The following PRDM16 variants were observed in gnomAD, a reference collection of about 807,000 sequenced individuals.
PRDM16 encodes the protein PR/SET domain 16, also known as histone-lysine N-methyltransferase PRDM16.
Under a neutral mutation model 110.6 loss-of-function variants are expected in PRDM16, and 23 were observed. The ratio of observed to expected loss-of-function variants is 0.21; its 90% CI spans 0.15 to 0.29. The LOEUF is 0.29. Among genes scored for constraint, PRDM16 ranks in the 10% least tolerant of loss-of-function variants. The pLI is 1.00. For missense variants in PRDM16, 1,615 were observed against 1,794.3 expected (o/e 0.90, Z 1.81); for synonymous variants, 799 against 781.8 (o/e 1.02, Z -0.37).
chr1:3,180,901 C>G (rs879449143), intron 1 of PRDM16, among the ~76,000 whole-genome samples: 2 of 137,986 alleles, frequency 1.4e-5, no homozygotes, highest in African/African-American at 5.0e-5. Flanking sequence ...GCCTCACACA[C>G]GCAGTCTTAC....
At chr1:3,125,265 G>C (rs932819166) in intron 1 of PRDM16, among the ~76,000 whole-genome samples, 1 of 152,254 alleles carries the variant, frequency 6.6e-6, no homozygotes, top group Admixed American at 6.5e-5. Context: ...CTTAGCGGAC[G>C]GCCCAGCCCC....
intron 1 of PRDM16, among the ~76,000 whole-genome samples, chr1:3,164,794 T>C (rs1158600004): frequency 6.6e-6 from 1 of 152,044 alleles, no homozygotes; most frequent in Non-Finnish European, 1.5e-5. Context: ...GGGGAGGCTG[T>C]TGGGAAATGG....
At chr1:3,149,381 G>A (rs1643735604) in intron 1 of PRDM16, among the ~76,000 whole-genome samples, 1 of 152,116 alleles carries the variant, frequency 6.6e-6, no homozygotes, top group Admixed American at 6.5e-5. Flanking sequence ...CGGATGGGGA[G>A]AACTGAGCCC....
intron 1 of PRDM16, among the ~76,000 whole-genome samples, chr1:3,170,984 G>C (rs1644018741): frequency 2.0e-5 from 3 of 152,228 alleles, no homozygotes; most frequent in Admixed American, 1.3e-4. Context: ...GCCCGTCTTG[G>C]CTAGAGAGCC....
rs1465713091 is a variant in PRDM16 at position 3,390,162 on chromosome 1, G to A, written c.573+4876G>A. On this transcript the variant is annotated intron_variant, in intron 4 of 16. Transcript: ENST00000270722. This position sits in a 1 kb window ranked among gnomAD's most constrained non-coding sequence, Gnocchi z 5.0. ...GGCGATGAAGCGCCTGCGGGGGGAT[G>A]CGGGAGGCAGGGAGGAGCTGTCACA... Among the ~76,000 whole-genome samples the A allele has an allele frequency of 6.6e-6, 1 of 152,216 alleles. No individual in the cohort carries two copies. Among genetic ancestry groups the A allele is most frequent in the Non-Finnish European group, 1.5e-5 (1 of 68,040 alleles).
At chr1:3,070,567 C>T (rs944703638) in intron 1 of PRDM16, among the ~76,000 whole-genome samples, 2 of 147,858 alleles carry the variant, frequency 1.4e-5, no homozygotes, top group African/African-American at 4.9e-5. Context: ...AAGAGGCGCC[C>T]GGGCCGCTCC....
Position 3,171,596 on chromosome 1 carries a change from T to C in PRDM16, c.38-14529T>C, listed in dbSNP as rs144162869. Among the ~76,000 whole-genome samples, 1,063 of 152,284 alleles carry C rather than the reference T, an allele frequency of 7.0e-3. 13 individuals carry two copies. The highest frequency in any genetic ancestry group is 0.023 in the African/African-American group (976 of 41,572). On this transcript the variant is annotated intron_variant, in intron 1 of 16. Transcript: ENST00000270722. ...GTTTGCAGAAACACAGCTGTGTGTA[T>C]TGGGGGGCCCTTCCCCAAATCTGCT...
At chr1:3,426,288 C>G (rs142168133) in intron 14 of PRDM16, 63 bp downstream of exon 14, 2 of 1,419,040 alleles carry the variant, frequency 1.4e-6, no homozygotes, top group Non-Finnish European at 2.0e-6. Context: ...CGTGGCCACC[C>G]TCAGAGGACA....
At chr1:3,366,132 G>A (rs980653035) in intron 3 of PRDM16, among the ~76,000 whole-genome samples, 2 of 152,230 alleles carry the variant, frequency 1.3e-5, no homozygotes, top group East Asian at 1.9e-4. Flanking sequence ...TGTGGCTCAG[G>A]GGGGCTCTAG....
chr1:3,349,115 T>C (rs930735127), intron 3 of PRDM16, among the ~76,000 whole-genome samples: 17 of 152,204 alleles, frequency 1.1e-4, no homozygotes, highest in African/African-American at 4.1e-4. Context: ...CAGGAGTCAA[T>C]GCATTTCTGC....
At chr1:3,276,883 G>A (rs1014943459) in intron 3 of PRDM16, among the ~76,000 whole-genome samples, 3 of 152,214 alleles carry the variant, frequency 2.0e-5, no homozygotes, top group Non-Finnish European at 4.4e-5. Context: ...CCTAAAGGGG[G>A]CTGGGCTTGG....
intron 7 of PRDM16, 122 bp from the exon 8 acceptor site, chr1:3,405,373 C>G: frequency 1.7e-6 from 2 of 1,171,328 alleles, no homozygotes; most frequent in Non-Finnish European, 2.4e-6. Flanking sequence ...TTGGTGCAGA[C>G]TGCAACGTGG....
At chr1:3,120,896 A>C (rs1012689532) in intron 1 of PRDM16, among the ~76,000 whole-genome samples, 1 of 152,180 alleles carries the variant, frequency 6.6e-6, no homozygotes, top group Non-Finnish European at 1.5e-5. Context: ...TCTCTCCGGG[A>C]TCTGCCATTC....
rs1643124819 is a variant in PRDM16 at position 3,382,803 on chromosome 1, G to A, written c.439-2349G>A. Among the ~76,000 whole-genome samples the A allele has an allele frequency of 6.6e-6, 1 of 152,206 alleles. No individual in the cohort carries two copies. Among genetic ancestry groups the A allele is most frequent in the Admixed American group, 6.5e-5 (1 of 15,288 alleles). On this transcript the variant is annotated intron_variant, in intron 3 of 16. Transcript: ENST00000270722. This position sits in a 1 kb window ranked among gnomAD's most constrained non-coding sequence, Gnocchi z 6.6. ...TGGGAGGGCACGGCCCGCCCTGGGT[G>A]AGCACCAGCCCTCAGCCCACAGGCA...
intron 2 of PRDM16, among the ~76,000 whole-genome samples, chr1:3,237,236 T>C (rs1639558754): frequency 6.6e-6 from 1 of 152,018 alleles, no homozygotes; most frequent in South Asian, 2.1e-4. Flanking sequence ...CAAAGGGCCA[T>C]GGCAGAGCTC....
chr1:3,119,842 A>G (rs1034401023), intron 1 of PRDM16, among the ~76,000 whole-genome samples: 1 of 152,222 alleles, frequency 6.6e-6, no homozygotes, highest in Non-Finnish European at 1.5e-5. Flanking sequence ...CCTGCTCAGC[A>G]GCTGACACAG....
intron 1 of PRDM16, among the ~76,000 whole-genome samples, chr1:3,131,655 G>A (rs1295576921): frequency 2.0e-5 from 3 of 152,242 alleles, no homozygotes; most frequent in Admixed American, 1.3e-4. Context: ...TTGGAAAAGC[G>A]AGGGTTGGTC....
chr1:3,269,202 G>A (rs1569961308), intron 3 of PRDM16, among the ~76,000 whole-genome samples: 1 of 152,280 alleles, frequency 6.6e-6, no homozygotes, highest in African/African-American at 2.4e-5. Flanking sequence ...GCAGGCAGTG[G>A]CTGGGGTACC....
intron 1 of PRDM16, among the ~76,000 whole-genome samples, chr1:3,152,642 C>A (rs1405622535): frequency 6.6e-6 from 1 of 152,216 alleles, no homozygotes; most frequent in Non-Finnish European, 1.5e-5. Context: ...CCCATGAGGT[C>A]TCTAAGAGCA....
Sources: allele counts gnomAD v4.1 joint callset (sites outside exome capture counted in the v4.1 genomes callset), GRCh38; gene constraint gnomAD v4.1.1; non-coding constraint Gnocchi (gnomAD v3.1); transcripts MANE v1.5; gene names NCBI Gene and HGNC (gene_info 2026-07-23, HGNC 2026-07-21).